The following SUSD1 variants were observed in gnomAD, a reference collection of about 807,000 sequenced individuals.
SUSD1 encodes sushi domain containing 1.
Under a neutral mutation model 86.9 loss-of-function variants are expected in SUSD1, and 65 were observed. The ratio of observed to expected loss-of-function variants is 0.75; its 90% CI spans 0.61 to 0.92. The LOEUF is 0.92. SUSD1 is among the 40% of genes least tolerant of loss of function. The pLI is 0.00. For missense variants in SUSD1, 850 were observed against 929.7 expected, an observed-to-expected ratio of 0.91 and a Z score of 1.11; for synonymous variants, 346 against 350.0, an observed-to-expected ratio of 0.99 and a Z score of 0.13.
chr9:112,055,664 CA>C (rs2118930241), intron 14 of SUSD1, among the ~76,000 whole-genome samples: 1 of 152,222 alleles, frequency 6.6e-6, no homozygotes, highest in African/African-American at 2.4e-5. Context: ...GGTATATACA[CA>C]AAAGAACTGA....
chr9:112,093,167 G>A (rs1405468877), intron 10 of SUSD1, among the ~76,000 whole-genome samples: 1 of 152,078 alleles, frequency 6.6e-6, no homozygotes, highest in African/African-American at 2.4e-5. Flanking sequence ...ATTCCATAAG[G>A]GAAAAGGCAA....
chr9:112,138,255 A>G (rs866552493), intron 5 of SUSD1, among the ~76,000 whole-genome samples: 1 of 101,028 alleles, frequency 9.9e-6, no homozygotes, highest in African/African-American at 4.2e-5. Context: ...ATATATATAT[A>G]TGTGTATATA....
chr9:112,092,523 T>G (rs1036126126), intron 10 of SUSD1, among the ~76,000 whole-genome samples: 1 of 152,220 alleles, frequency 6.6e-6, no homozygotes, highest in Non-Finnish European at 1.5e-5. Context: ...ACCTAAATTT[T>G]AGAGGCACTA....
intron 12 of SUSD1, among the ~76,000 whole-genome samples, chr9:112,070,511 T>C (rs759995710): frequency 3.9e-5 from 6 of 152,196 alleles, no homozygotes; most frequent in Non-Finnish European, 8.8e-5. Context: ...TTAAACTGAT[T>C]TAGACCCAAG....
In SUSD1 at chr9:112,156,496, T is replaced by G. The variant is rs1420054316; in HGVS notation, c.217+1004A>C. ...AAAAATACTCACTGAAGCTTCGAAC[T>G]CCTGGGCTCAAGGCATCCTCCTGCC... On this transcript the variant is annotated intron_variant, in intron 2 of 16. Coordinates refer to ENST00000374270, the MANE Select transcript of SUSD1 (RefSeq NM_022486.5). Among the ~76,000 whole-genome samples the G allele has an allele frequency of 5.9e-5, 9 of 151,568 alleles. No homozygotes were observed. In the East Asian group the frequency reaches 1.7e-3, roughly 29 times the overall value.
intron 1 of SUSD1, among the ~76,000 whole-genome samples, chr9:112,170,225 C>T (rs1833981073): frequency 6.6e-6 from 1 of 152,178 alleles, no homozygotes; most frequent in Admixed American, 6.5e-5. Context: ...AAACAATCCA[C>T]TCACTCTATT....
rs181714304 is a variant in SUSD1 at position 112,174,492 on chromosome 9, A to T, written c.103+641T>A. ...AACTCCCTCGATTGCTTGGAAATAG[A>T]ACATTTGCTGGTCTAAATCCTCCAG... On this transcript the variant is annotated intron_variant, in intron 1 of 16. Transcript: ENST00000374270. 2.6e-4 allele frequency among the ~76,000 whole-genome samples: 40 copies of T among 152,308 alleles called. 1 individual carries two copies. Among genetic ancestry groups the T allele is most frequent in the Admixed American group, 2.5e-3 (38 of 15,304 alleles).
At chr9:112,091,612 G>T (rs1231572446) in intron 10 of SUSD1, among the ~76,000 whole-genome samples, 3 of 152,152 alleles carry the variant, frequency 2.0e-5, no homozygotes, top group African/African-American at 7.2e-5. Flanking sequence ...CTAATTAGAA[G>T]TAGCCTATAT....
chr9:112,047,574 T>C (rs1828011559), intron 15 of SUSD1, among the ~76,000 whole-genome samples: 1 of 152,134 alleles, frequency 6.6e-6, no homozygotes, highest in African/African-American at 2.4e-5. Context: ...ATCCTCAATG[T>C]GGTGGTGTCA....
chr9:112,145,458 T>C (rs1302779525), intron 3 of SUSD1, among the ~76,000 whole-genome samples: 2 of 152,014 alleles, frequency 1.3e-5, no homozygotes, highest in Admixed American at 1.3e-4. Flanking sequence ...TTTGTGTGTC[T>C]TTTTGTAGAG....
intron 10 of SUSD1, among the ~76,000 whole-genome samples, chr9:112,094,767 C>T (rs547630146): frequency 7.9e-5 from 12 of 152,190 alleles, no homozygotes; most frequent in South Asian, 2.1e-4. Context: ...AATAGGGGAG[C>T]GAGAATAGGC....
chr9:112,117,653 G>A (rs750167562), intron 6 of SUSD1, among the ~76,000 whole-genome samples: 8 of 151,974 alleles, frequency 5.3e-5, no homozygotes, highest in South Asian at 2.1e-4. Context: ...AACTAAATAC[G>A]TAAGTCATTA....
At chr9:112,086,954 G>C (rs370688995) in intron 10 of SUSD1, among the ~76,000 whole-genome samples, 2 of 150,706 alleles carry the variant, frequency 1.3e-5, no homozygotes, top group South Asian at 2.1e-4. Flanking sequence ...GGAATTAACA[G>C]ACAAAAGCAG....
At chr9:112,157,824 C>CTT (rs72322597) in intron 1 of SUSD1, among the ~76,000 whole-genome samples, 2,090 of 136,858 alleles carry the variant, frequency 0.015, 65 homozygotes, top group African/African-American at 0.054. Flanking sequence ...TTCTTTCTTT[C>CTT]TTTTTTTTTT....
chr9:112,127,617 C>G (rs1831833875), intron 5 of SUSD1, among the ~76,000 whole-genome samples: 1 of 151,500 alleles, frequency 6.6e-6, no homozygotes, highest in South Asian at 2.1e-4. Context: ...TATTGAGTGC[C>G]TATTACATGC....
At chr9:112,093,676 G>A (rs1260262204) in intron 10 of SUSD1, among the ~76,000 whole-genome samples, 1 of 152,162 alleles carries the variant, frequency 6.6e-6, no homozygotes, top group Non-Finnish European at 1.5e-5. Flanking sequence ...AATCTCAGAT[G>A]GAAAGGAGAG....
intron 10 of SUSD1, among the ~76,000 whole-genome samples, chr9:112,083,404 T>G (rs574027655): frequency 6.6e-6 from 1 of 152,184 alleles, no homozygotes; most frequent in South Asian, 2.1e-4. Flanking sequence ...ATTGTTGTAT[T>G]TGTAGTAGAA....
intron 6 of SUSD1, among the ~76,000 whole-genome samples, chr9:112,116,077 C>G (rs1360503916): frequency 2.0e-5 from 3 of 152,176 alleles, no homozygotes; most frequent in African/African-American, 7.2e-5. Context: ...GAAAAGGCAC[C>G]AGCCCAGCCC....
At chr9:112,129,355 A>C (rs1831917748) in intron 5 of SUSD1, among the ~76,000 whole-genome samples, 1 of 152,158 alleles carries the variant, frequency 6.6e-6, no homozygotes, top group African/African-American at 2.4e-5. Context: ...TCCTGTCGCC[A>C]AGGCTGGAGT....
Sources: gnomAD v4.1 joint callset for allele counts (sites outside exome capture counted in the v4.1 genomes callset) on GRCh38, gnomAD v4.1.1 for gene constraint, MANE v1.5 for transcripts, NCBI Gene and HGNC (gene_info 2026-07-23, HGNC 2026-07-21) for gene names.